Variants in FGF13 observed in about 807,000 individuals in gnomAD.
FGF13 encodes the protein fibroblast growth factor homologous factor 2.
Under a neutral mutation model 19.5 loss-of-function variants are expected in FGF13, and 2 were observed. The observed-to-expected ratio is 0.10, with a 90% CI of 0.04 to 0.32. The LOEUF is 0.32. Ranked by LOEUF, FGF13 falls within the 10% of genes least tolerant of loss-of-function variation. The pLI, the probability that FGF13 is intolerant of heterozygous loss-of-function variation, is 1.00. For missense variants in FGF13, 113 were observed against 192.7 expected (o/e 0.59, Z 2.45); for synonymous variants, 72 against 76.9 (o/e 0.94, Z 0.33).
At chrX:138,799,309 C>T (rs1196276496) in intron 3 of FGF13, among the ~76,000 whole-genome samples, 4 of 111,646 alleles carry the variant, frequency 3.6e-5, no homozygotes, top group Middle Eastern at 4.6e-3. Context: ...GCCTTCATTT[C>T]GTTATTTACC....
chrX:138,826,220 A>G (rs1461366920), intron 3 of FGF13, among the ~76,000 whole-genome samples: 1 of 111,863 alleles, frequency 8.9e-6, no homozygotes, highest in African/African-American at 3.2e-5. Context: ...ATGGTGCTGT[A>G]ACTCTAGTTT....
intron 3 of FGF13, among the ~76,000 whole-genome samples, chrX:138,787,080 A>G (rs990515517): frequency 8.9e-6 from 1 of 112,788 alleles, no homozygotes; most frequent in African/African-American, 3.2e-5. Context: ...ACAGTTTTAG[A>G]CTAATTTCTT....
At chrX:139,009,719 A>G (rs1006013457) in intron 1 of FGF13, among the ~76,000 whole-genome samples, 1 of 111,820 alleles carries the variant, frequency 8.9e-6, no homozygotes, top group Non-Finnish European at 1.9e-5. Flanking sequence ...TAAATCTCAC[A>G]GGACCTATAT....
chrX:138,641,898 C>T (rs2089254983), intron 3 of FGF13, among the ~76,000 whole-genome samples: 1 of 111,606 alleles, frequency 9.0e-6, no homozygotes, highest in Admixed American at 9.6e-5. Context: ...TTGAGGGCAG[C>T]TCCTAACATA....
intron 1 of FGF13, among the ~76,000 whole-genome samples, chrX:138,945,269 T>C (rs2091776455): frequency 9.0e-6 from 1 of 111,516 alleles, no homozygotes; most frequent in Admixed American, 9.5e-5. Flanking sequence ...GACATGCATT[T>C]ATCCCCTTGT....
chrX:138,673,733 T>TGA (rs925545515), intron 3 of FGF13, among the ~76,000 whole-genome samples: 1 of 110,432 alleles, frequency 9.1e-6, no homozygotes, highest in African/African-American at 3.3e-5. Flanking sequence ...TACGAAGACA[T>TGA]GAGAGAGAGA....
At chrX:139,057,124 C>A (rs1173349845) in intron 1 of FGF13, among the ~76,000 whole-genome samples, 2 of 111,460 alleles carry the variant, frequency 1.8e-5, no homozygotes, top group Non-Finnish European at 3.8e-5. Context: ...AACTTGGATG[C>A]AAAGATTCTA....
At chrX:138,839,087 A>G (rs2091132011) in intron 3 of FGF13, among the ~76,000 whole-genome samples, 1 of 111,302 alleles carries the variant, frequency 9.0e-6, no homozygotes, top group Non-Finnish European at 1.9e-5. Context: ...TAATACCATT[A>G]TTGTAGGAGT....
chrX:138,843,734 A>AT (rs960922687), intron 3 of FGF13, among the ~76,000 whole-genome samples: 1 of 111,551 alleles, frequency 9.0e-6, no homozygotes, highest in Non-Finnish European at 1.9e-5. Context: ...TTCAAAAAGA[A>AT]TTTTTTTCCC....
At chrX:138,752,497 T>C (rs1372355851) in intron 3 of FGF13, among the ~76,000 whole-genome samples, 1 of 112,418 alleles carries the variant, frequency 8.9e-6, no homozygotes, top group Non-Finnish European at 1.9e-5. Context: ...TTAAACTGTG[T>C]ATGTTTGCGT....
At chrX:138,887,679 C>T (rs1434646757) in intron 1 of FGF13, among the ~76,000 whole-genome samples, 2 of 112,006 alleles carry the variant, frequency 1.8e-5, no homozygotes, top group Non-Finnish European at 3.8e-5. Context: ...TTGACAATGA[C>T]TCATTAAATA....
intron 1 of FGF13, among the ~76,000 whole-genome samples, chrX:139,040,232 G>T (rs17001963): frequency 0.13 from 14,204 of 111,625 alleles, 736 homozygotes; most frequent in South Asian, 0.18. Flanking sequence ...CTTGCCCTCT[G>T]GTCTGATTCC....
chrX:138,734,080 C>T (rs1355237113), intron 1 of FGF13, among the ~76,000 whole-genome samples: 1 of 111,579 alleles, frequency 9.0e-6, no homozygotes, highest in Admixed American at 9.5e-5. Context: ...ATGTTCTATT[C>T]AGTACTGCAT....
At position 138,622,580 on chromosome X, in the gene FGF13, A is replaced by G. The variant is rs1324646878; in HGVS notation, c.*10270T>C. ...CTCACTCTTGCCACTTCTATTCCACATGGTACTTGAAGTTCTGCTTAGAGC... is the reference window on the plus strand; with the variant it reads ...CTCACTCTTGCCACTTCTATTCCACGTGGTACTTGAAGTTCTGCTTAGAGC... On this transcript the variant is annotated 3_prime_UTR_variant, in exon 5 of 5. Coordinates refer to ENST00000315930, the MANE Select transcript of FGF13 (RefSeq NM_004114.5). 1 of 112,250 alleles carries G rather than the reference A, an allele frequency of 8.9e-6. No individual in the cohort carries two copies. Among genetic ancestry groups the G allele is most frequent in the African/African-American group, 3.2e-5 (1 of 30,944 alleles). The allele number at this position is 112,250 out of a possible 1,213,427, so 9.3% of individuals were successfully genotyped here.
At chrX:138,871,558 G>T (rs2091357284) in intron 1 of FGF13, among the ~76,000 whole-genome samples, 1 of 112,284 alleles carries the variant, frequency 8.9e-6, no homozygotes, top group African/African-American at 3.2e-5. Context: ...TATGAGTTAA[G>T]TTCCTAATGT....
chrX:139,190,556 G>A (rs1426857759), intron 1 of FGF13, among the ~76,000 whole-genome samples: 1 of 111,314 alleles, frequency 9.0e-6, no homozygotes, highest in Non-Finnish European at 1.9e-5. Flanking sequence ...GCCTCTCTGT[G>A]GGCCTAATTC....
intron 3 of FGF13, among the ~76,000 whole-genome samples, chrX:138,676,773 G>A (rs1027720019): frequency 8.9e-6 from 1 of 112,250 alleles, no homozygotes; most frequent in African/African-American, 3.2e-5. Context: ...TGATCTGACA[G>A]GAGGCGGAGC....
At chrX:138,958,102 C>T (rs1196827393) in intron 1 of FGF13, among the ~76,000 whole-genome samples, 1 of 111,834 alleles carries the variant, frequency 8.9e-6, no homozygotes, top group African/African-American at 3.2e-5. Context: ...CTGCCTTGTG[C>T]CAGTTTTCAA....
chrX:138,947,460 G>A (rs1212783096), intron 1 of FGF13, among the ~76,000 whole-genome samples: 4 of 109,700 alleles, frequency 3.6e-5, no homozygotes, highest in African/African-American at 1.3e-4. Flanking sequence ...TGAAAATGGG[G>A]GTGTAAATAT....
Sources: gnomAD v4.1 joint callset for allele counts (sites outside exome capture counted in the v4.1 genomes callset) on GRCh38, gnomAD v4.1.1 for gene constraint, MANE v1.5 for transcripts, NCBI Gene and HGNC (gene_info 2026-07-23, HGNC 2026-07-21) for gene names.